The following LIME1 variants were observed in gnomAD, a reference collection of about 807,000 sequenced individuals.
The protein encoded by LIME1 is Lck interacting transmembrane adaptor 1, also known as lck-interacting transmembrane adapter 1.
In LIME1, 23 loss-of-function variants were observed where a neutral mutation model predicts 18.8. That is an observed-to-expected ratio of 1.22 (90% CI 0.88 to 1.73). LIME1 has a LOEUF of 1.73. Among genes scored for constraint, LIME1 ranks in the 40% most tolerant of loss-of-function variants. The probability of loss-of-function intolerance (pLI) is 0.00; values close to 1 mark genes in which losing one functional copy is unlikely to be tolerated. For missense variants in LIME1, 423 were observed against 396.8 expected (o/e 1.07, Z -0.56); for synonymous variants, 177 against 182.3 (o/e 0.97, Z 0.23).
rs749836196 is a variant in LIME1, at chr20:63,738,583, G to A, written c.586-15G>A. ...ATGGTGCTGACCCCTCCTCGGGTTG[G>A]CTTCCTGTCTCCAGGTGGACGTCCT... On this transcript the variant is annotated splice_polypyrimidine_tract_variant and intron_variant, in intron 5 of 5. Transcript: ENST00000309546. 3.9e-6 allele frequency: 6 copies of A among 1,537,192 alleles called. No homozygotes were observed. The highest frequency in any genetic ancestry group is 2.5e-5 in the South Asian group (2 of 78,914).
chr20:63,738,137 T>C, intron 4 of LIME1, 46 bp from the exon 5 acceptor site: 1 of 1,530,642 alleles, frequency 6.5e-7, no homozygotes, highest in Non-Finnish European at 8.8e-7. Context: ...CCAGACCCGC[T>C]CCTGCCCCCT....
chr20:63,737,029 C>T, intron 1 of LIME1: 2 of 986,538 alleles, frequency 2.0e-6, no homozygotes, highest in Non-Finnish European at 2.4e-6. Flanking sequence ...CTGCTGCCTG[C>T]TGACCCAGCC....
At chr20:63,736,147 G>T (rs556968719), upstream of LIME1, 4 of 608,500 alleles carry the variant, frequency 6.6e-6, no homozygotes, top group African/African-American at 5.6e-5. Flanking sequence ...GTGTCATTCA[G>T]TGGAGATCAG....
In LIME1 at chr20:63,738,791, T is replaced by G; in HGVS notation, c.779T>G (p.Leu260Arg). Residue 260 changes from leucine to arginine, a missense_variant, in exon 6 of 6, where the codon CTG becomes CGG. Leu to Arg is a moderately radical substitution (Grantham distance 102, BLOSUM62 -2). Coordinates refer to ENST00000309546, the MANE Select transcript of LIME1 (RefSeq NM_017806.4). ...AACGTGTATGAGAGCATCCGGGAGC[T>G]GGGGGACCCTGCTGGCAGGAGCAGC... The part of the protein sequence containing the change: ...LENVYESIRE[L>R]GDPAGRSSTC... 6.2e-7 allele frequency: 1 copy of G among 1,612,846 alleles called. No homozygotes were observed. Among genetic ancestry groups the G allele is most frequent in the East Asian group, 2.2e-5 (1 of 44,856 alleles).
intron 1 of LIME1, 148 bp from the exon 2 acceptor site, chr20:63,737,385 C>G: frequency 7.4e-7 from 1 of 1,343,566 alleles, no homozygotes; most frequent in Non-Finnish European, 9.5e-7. Context: ...GAGGGAGGGA[C>G]TGCCAGGCCT....
rs976046885 is a variant in LIME1 at position 63,738,026 on chromosome 20, G to T, written c.234G>T (p.Leu78=). ...LCSLSKSDTR[L]HELHRGPRSS... ...CCCTCAGCAAGTCGGACACCAGACT[G>T]CACGAGCTGCACCGGGGCCCGCGCA... Residue 78 remains leucine (L), a synonymous_variant, in exon 4 of 6, where the codon CTG becomes CTT. Transcript: ENST00000309546. The T allele has an allele frequency of 1.3e-6, 2 of 1,562,140 alleles. No individual in the cohort carries two copies. Among genetic ancestry groups the T allele is most frequent in the East Asian group, 2.3e-5 (1 of 42,686 alleles).
At position 63,737,854 on chromosome 20, in the gene LIME1, G is replaced by A; in HGVS notation, c.132G>A (p.Ala44=). The A allele has an allele frequency of 1.9e-6, 3 of 1,560,970 alleles. No individual in the cohort carries two copies. The highest frequency in any genetic ancestry group is 2.6e-6 in the Non-Finnish European group (3 of 1,161,412). ...PEDAVAPRKR[A]RRQRARLQGS... is the part of the protein sequence containing the mutation. Reference sequence around the variant, plus strand: ...ACGCTGTAGCCCCCAGGAAGAGGGCGCGGAGGCAGCGGGCGAGGCTGCAGG... The same window carrying A: ...ACGCTGTAGCCCCCAGGAAGAGGGCACGGAGGCAGCGGGCGAGGCTGCAGG... Residue 44 remains alanine (A), a synonymous_variant, in exon 3 of 6, where the codon GCG becomes GCA. Transcript: ENST00000309546.
intron 1 of LIME1, chr20:63,737,328 C>T: frequency 7.6e-7 from 1 of 1,322,016 alleles, no homozygotes; most frequent in South Asian, 2.1e-5. Context: ...CAGAGCAGCC[C>T]TAGTTCACCT....
Position 63,737,787 on chromosome 20 carries a change from A to ACCCCGCC in LIME1, c.99-22_99-16dup, listed in dbSNP as rs976288521. On this transcript the variant is annotated intron_variant, in intron 2 of 5. Transcript: ENST00000309546. ...CCGGGCCTTGGACCCGAGGCTGACGACCCCGCCCCCCGCCCCCCACCTCTA... is the reference window on the plus strand; with the variant it reads ...CCGGGCCTTGGACCCGAGGCTGACGACCCCGCCCCCCGCCCCCCGCCCCCCACCTCTA... 1.1e-4 allele frequency: 147 copies of ACCCCGCC among 1,322,792 alleles called. No individual in the cohort carries two copies. The African/African-American group carries it at 1.5e-3, about 13-fold the overall frequency. The allele number at this position is 1,322,792 out of a possible 1,614,324, so 81.9% of individuals were successfully genotyped here.
upstream of LIME1, chr20:63,735,803 C>T: frequency 6.2e-7 from 1 of 1,609,974 alleles, no homozygotes; most frequent in Non-Finnish European, 8.5e-7. Context: ...GTCAGCCCAG[C>T]TGCAGGAGAA....
intron 2 of LIME1, 34 bp from the exon 3 acceptor site, chr20:63,737,787 A>ACCCCC: frequency 1.5e-6 from 2 of 1,322,760 alleles, no homozygotes; most frequent in Non-Finnish European, 2.0e-6. Context: ...GAGGCTGACG[A>ACCCCC]CCCCGCCCCC....
upstream of LIME1, chr20:63,736,655 C>T: frequency 1.0e-6 from 1 of 985,858 alleles, no homozygotes; most frequent in Non-Finnish European, 1.2e-6. Context: ...CCGAGGGCTG[C>T]ACAAAGACCT....
rs1191669883 is a variant in LIME1 at position 63,738,733 on chromosome 20, A to G, written c.721A>G (p.Arg241Gly). 1.9e-6 allele frequency: 3 copies of G among 1,612,972 alleles called. No individual in the cohort carries two copies. Among genetic ancestry groups the G allele is most frequent in the Non-Finnish European group, 2.5e-6 (3 of 1,179,930 alleles). ...CCTGGCCTACCAGACCCTCCCGCTC[A>G]GGGCCCTGGATGTGGACAGCGGCCC... ...GDLAYQTLPL[R>G]ALDVDSGPLE... Residue 241 changes from arginine (R) to glycine (G), a missense_variant, in exon 6 of 6, where the codon AGG becomes GGG. By Grantham distance (125) the Arg-to-Gly change is moderately radical (BLOSUM62 -2). Transcript: ENST00000309546.
Position 63,738,667 on chromosome 20 carries a change from G to T in LIME1, c.655G>T (p.Asp219Tyr). ...CCCAGGACCCACCACAGACCCGCTG[G>T]ACCCCAAGGGCCAGGGAGCGATTCT... Reference protein sequence around the residue: ...RDPGPTTDPLDPKGQGAILAL... With the variant: ...RDPGPTTDPLYPKGQGAILAL... Residue 219 changes from aspartate (D) to tyrosine (Y), a missense_variant, in exon 6 of 6, where the codon GAC (aspartate) becomes TAC (tyrosine). Transcript: ENST00000309546. The T allele has an allele frequency of 6.2e-7, 1 of 1,612,070 alleles. No individual in the cohort carries two copies. The highest frequency in any genetic ancestry group is 8.5e-7 in the Non-Finnish European group (1 of 1,179,410).
chr20:63,736,950 G>T, intron 1 of LIME1: 4 of 985,632 alleles, frequency 4.1e-6, no homozygotes, highest in Non-Finnish European at 4.8e-6. Flanking sequence ...ATCCTCTCTG[G>T]CAGAGACACT....
chr20:63,737,048 C>T, intron 1 of LIME1: 1 of 986,906 alleles, frequency 1.0e-6, no homozygotes, highest in South Asian at 4.7e-5. Flanking sequence ...CCTCCAGCTC[C>T]TCCGGGTGCA....
chr20:63,738,073 C>CGGGGGCG lies in LIME1; in HGVS notation c.268+17_268+18insGCGGGGG. 5 of 1,425,110 alleles carry CGGGGGCG rather than the reference C, an allele frequency of 3.5e-6. No individual in the cohort carries two copies. The highest frequency in any genetic ancestry group is 4.7e-6 in the Non-Finnish European group (5 of 1,053,726). 88.3% of individuals were successfully genotyped at this position (1,425,110 alleles called of 1,614,324 possible). ...CGCAGCAGCAGGGGTGAGCAGAGGG[C>CGGGGGCG]GGGGCGGGGGCGGCCGGGCGGGGCT... On this transcript the variant is annotated intron_variant, in intron 4 of 5. Coordinates refer to ENST00000309546, the MANE Select transcript of LIME1 (RefSeq NM_017806.4).
upstream of LIME1, chr20:63,736,080 C>A: frequency 3.0e-6 from 3 of 992,964 alleles, no homozygotes; most frequent in Non-Finnish European, 4.4e-6. Context: ...CTTACTTGCC[C>A]ACCTGCCAGT....
At chr20:63,736,174 TG>T, upstream of LIME1, 1 of 528,206 alleles carries the variant, frequency 1.9e-6, no homozygotes. Flanking sequence ...GCAGGGTCTC[TG>T]GGGAGAGAAG....
Sources: gnomAD v4.1 joint callset for allele counts on GRCh38, gnomAD v4.1.1 for gene constraint, MANE v1.5 for transcripts, NCBI Gene and HGNC (gene_info 2026-07-23, HGNC 2026-07-21) for gene names.